Variants in XPO7 observed in about 807,000 individuals in gnomAD.
XPO7 encodes the protein exportin 7.
XPO7 carries 21 observed loss-of-function variants against 144.3 expected under a neutral mutation model. The observed-to-expected ratio is 0.15, with a 90% confidence interval of 0.10 to 0.21. XPO7 has a LOEUF of 0.21. Among genes scored for constraint, XPO7 ranks in the 10% least tolerant of loss-of-function variants. The pLI, the probability that XPO7 is intolerant of heterozygous loss-of-function variation, is 1.00. For missense variants in XPO7, 808 were observed against 1,325.8 expected (o/e 0.61, Z 6.06); for synonymous variants, 580 against 499.6 (o/e 1.16, Z -2.15).
intron 24 of XPO7, among the ~76,000 whole-genome samples, chr8:22,000,554 G>A (rs1813107118): frequency 1.3e-5 from 2 of 149,344 alleles, no homozygotes; most frequent in South Asian, 4.2e-4. Context: ...CCGGGTTCAT[G>A]CCATTCTTCT....
At chr8:21,933,053 A>G (rs942571466) in intron 1 of XPO7, among the ~76,000 whole-genome samples, 6 of 151,664 alleles carry the variant, frequency 4.0e-5, no homozygotes, top group African/African-American at 1.2e-4. Flanking sequence ...ATCACATTCT[A>G]AGGTTTTAGA....
intron 27 of XPO7, among the ~76,000 whole-genome samples, 183 bp downstream of exon 27, chr8:22,004,213 A>C (rs889943691): frequency 6.6e-6 from 1 of 152,206 alleles, no homozygotes; most frequent in African/African-American, 2.4e-5. Flanking sequence ...ATTTTATTTA[A>C]CCCATTGTAT....
At chr8:21,954,498 G>C in intron 1 of XPO7, among the ~76,000 whole-genome samples, 1 of 152,104 alleles carries the variant, frequency 6.6e-6, no homozygotes, top group Non-Finnish European at 1.5e-5. Flanking sequence ...GCCAGGTGTG[G>C]TGGCACAGAC....
intron 16 of XPO7, 66 bp downstream of exon 16, chr8:21,989,149 G>A (rs948325536): frequency 7.8e-6 from 11 of 1,418,408 alleles, no homozygotes; most frequent in Non-Finnish European, 8.9e-6. Flanking sequence ...TAGAATCATG[G>A]CCTCCTGCTC....
At chr8:21,984,606 T>G (rs1563332544) in intron 11 of XPO7, 40 bp from the exon 12 acceptor site, 3 of 1,541,530 alleles carry the variant, frequency 1.9e-6, no homozygotes, top group Non-Finnish European at 2.6e-6. Context: ...TCAGTAGTCA[T>G]ATTTTAAGAG....
chr8:21,941,917 T>C (rs1811005770), intron 1 of XPO7, among the ~76,000 whole-genome samples: 1 of 152,068 alleles, frequency 6.6e-6, no homozygotes, highest in South Asian at 2.1e-4. Context: ...TTTTTTCTGA[T>C]GGACAAAATA....
At chr8:21,988,149 C>T (rs943381820) in intron 15 of XPO7, among the ~76,000 whole-genome samples, 2 of 152,200 alleles carry the variant, frequency 1.3e-5, no homozygotes, top group African/African-American at 4.8e-5. Context: ...ACCTCCACCC[C>T]AGTAATTGCT....
At chr8:21,979,069 T>A (rs183277830) in intron 8 of XPO7, among the ~76,000 whole-genome samples, 1 of 152,276 alleles carries the variant, frequency 6.6e-6, no homozygotes, top group Admixed American at 6.5e-5. Context: ...GGGTTGTGTT[T>A]TTTTGTTTGT....
At chr8:21,995,826 G>T (rs1422553155) in intron 21 of XPO7, among the ~76,000 whole-genome samples, 2 of 151,800 alleles carry the variant, frequency 1.3e-5, no homozygotes, top group African/African-American at 4.8e-5. Flanking sequence ...TGTTTGTCTT[G>T]TTTTTTTTGA....
At chr8:22,001,991 T>C (rs1168156045) in intron 24 of XPO7, 121 bp from the exon 25 acceptor site, 4 of 1,223,626 alleles carry the variant, frequency 3.3e-6, no homozygotes, top group South Asian at 1.5e-5. Context: ...AGGAGTCATC[T>C]TGAGCAACCG....
At position 21,971,928 on chromosome 8, in the gene XPO7, A is replaced by G. The variant is rs1812075029; in HGVS notation, c.479A>G (p.Asn160Ser). ...GTCACAATTTTATCTCAGCTAACCA[A>G]TGAAATTAATCAAGTAAGTGCTACA... ...IGVTILSQLT[N>S]EINQADTTHP... Residue 160 changes from asparagine (N) to serine (S), a missense_variant, in exon 5 of 28, where the codon AAT becomes AGT. Asn to Ser is a conservative substitution (Grantham distance 46). Around this residue, in one of 5 missense-constraint regions of XPO7, gnomAD observed 223 missense variants for 368.8 expected, o/e 0.60. Coordinates refer to ENST00000252512, the MANE Select transcript of XPO7 (RefSeq NM_015024.5). The G allele has an allele frequency of 4.3e-6, 7 of 1,613,458 alleles. No homozygotes were observed. Among genetic ancestry groups the G allele is most frequent in the African/African-American group, 2.7e-5 (2 of 74,918 alleles).
intron 1 of XPO7, among the ~76,000 whole-genome samples, chr8:21,954,976 A>G (rs1482675600): frequency 6.6e-6 from 1 of 152,212 alleles, no homozygotes; most frequent in East Asian, 1.9e-4. Flanking sequence ...CTGAGCTATT[A>G]CAGGATTGTT....
At chr8:21,945,653 T>C (rs1172740549) in intron 1 of XPO7, among the ~76,000 whole-genome samples, 1 of 152,204 alleles carries the variant, frequency 6.6e-6, no homozygotes, top group Admixed American at 6.5e-5. Flanking sequence ...AAATACATAG[T>C]CGGCCTTACT....
At chr8:21,980,046 T>C in intron 8 of XPO7, 38 bp from the exon 9 acceptor site, 1 of 1,529,854 alleles carries the variant, frequency 6.5e-7, no homozygotes, top group Non-Finnish European at 8.8e-7. Context: ...CTGTACAGTC[T>C]TTTTAATCGT....
chr8:21,990,960 A>C, intron 18 of XPO7, 41 bp downstream of exon 18: 1 of 1,572,808 alleles, frequency 6.4e-7, no homozygotes. Context: ...GTCATCTGGC[A>C]CTCTTCTAAA....
intron 7 of XPO7, among the ~76,000 whole-genome samples, 177 bp from the exon 8 acceptor site, chr8:21,977,593 G>C (rs546182509): frequency 6.4e-4 from 98 of 152,150 alleles, no homozygotes; most frequent in Non-Finnish European, 1.2e-3. Flanking sequence ...TCAAAAAAAA[G>C]AGAAAAGAAA....
At chr8:21,982,315 G>C (rs1416621429) in intron 10 of XPO7, among the ~76,000 whole-genome samples, 2 of 152,130 alleles carry the variant, frequency 1.3e-5, no homozygotes, top group Non-Finnish European at 2.9e-5. Context: ...TTCTGGTTCA[G>C]TAGGTCCAGG....
At chr8:21,932,409 T>C (rs1426542768) in intron 1 of XPO7, among the ~76,000 whole-genome samples, 2 of 152,302 alleles carry the variant, frequency 1.3e-5, no homozygotes, top group East Asian at 3.9e-4. Context: ...ACTTTTTTGT[T>C]TGTCAGAGGG....
Position 22,002,241 on chromosome 8 carries a change from T to A in XPO7, c.2912T>A (p.Ile971Asn), listed in dbSNP as rs750216024. 6.2e-7 allele frequency: 1 copy of A among 1,613,212 alleles called. No individual in the cohort carries two copies. The highest frequency in any genetic ancestry group is 8.5e-7 in the Non-Finnish European group (1 of 1,179,592). Residue 971 changes from isoleucine to asparagine, a missense_variant, in exon 25 of 28, where the codon ATC becomes AAC. Ile to Asn is a moderately radical substitution (Grantham distance 149). Transcript: ENST00000252512. ...LNQESDRFLH[I>N]MQQHPEMIQQ... ...CAGGAGAGCGACCGCTTTCTGCACA[T>A]CATGCAGCAGCATCCAGAGATGATC... is the stretch of plus-strand genomic sequence containing the variant.
Sources: allele counts gnomAD v4.1 joint callset (sites outside exome capture counted in the v4.1 genomes callset), GRCh38; gene constraint gnomAD v4.1.1; regional missense constraint gnomAD v4.1.1; transcripts MANE v1.5; gene names NCBI Gene and HGNC (gene_info 2026-07-23, HGNC 2026-07-21).